Variants in C17orf75 observed in about 807,000 individuals in gnomAD.
The protein encoded by C17orf75 is chromosome 17 open reading frame 75, also known as protein Njmu-R1.
C17orf75 carries 32 observed loss-of-function variants against 49.6 expected under a neutral mutation model. The observed-to-expected ratio is 0.65, with a 90% CI of 0.49 to 0.87. The LOEUF is 0.87. Among genes scored for constraint, C17orf75 ranks in the 40% least tolerant of loss-of-function variants. C17orf75 has a pLI of 0.00. For synonymous variants in C17orf75, 158 were observed against 159.5 expected (o/e 0.99, Z 0.07); for missense variants, 428 against 473.9 (o/e 0.90, Z 0.90).
intron 3 of C17orf75, among the ~76,000 whole-genome samples, chr17:32,339,595 AT>A (rs1204352351): frequency 6.6e-6 from 1 of 152,100 alleles, no homozygotes; most frequent in Non-Finnish European, 1.5e-5. Context: ...TCAAAAAAAA[AT>A]AAACTAATTA....
upstream of C17orf75, among the ~76,000 whole-genome samples, chr17:32,346,248 T>C (rs2041424425): frequency 6.6e-6 from 1 of 151,928 alleles, no homozygotes; most frequent in African/African-American, 2.4e-5. Context: ...AGCGAGACCT[T>C]ACCTCTACAA....
intron 6 of C17orf75, 67 bp from the exon 7 acceptor site, chr17:32,334,906 C>G: frequency 1.5e-6 from 2 of 1,292,986 alleles, no homozygotes; most frequent in Non-Finnish European, 2.1e-6. Context: ...CTACTCATGA[C>G]TAAATGTCCC....
At chr17:32,339,448 A>T (rs73272805) in intron 3 of C17orf75, among the ~76,000 whole-genome samples, 3,204 of 151,332 alleles carry the variant, frequency 0.021, 102 homozygotes, top group African/African-American at 0.072. Context: ...ATTGCTGGGC[A>T]TCGTAGTGCC....
Position 32,335,372 on chromosome 17 carries a change from T to C in C17orf75, c.620A>G (p.Gln207Arg), listed in dbSNP as rs993949276. Residue 207 changes from glutamine (Q) to arginine (R), a missense_variant, in exon 6 of 10, where the codon CAA (glutamine) becomes CGA (arginine). Coordinates refer to ENST00000577809, the MANE Select transcript of C17orf75 (RefSeq NM_022344.4). ...SWFEDVVCPIQRVVLLFQEKL... is the reference protein window; with the variant it reads ...SWFEDVVCPIRRVVLLFQEKL... ...TTCCTGAAAGAGAAGAACAACCCTTTGGATTGGGCATACAACATCCTCAAA... is the reference window on the plus strand; with the variant it reads ...TTCCTGAAAGAGAAGAACAACCCTTCGGATTGGGCATACAACATCCTCAAA... 5.0e-6 allele frequency: 8 copies of C among 1,613,984 alleles called. No homozygotes were observed. The highest frequency in any genetic ancestry group is 6.8e-6 in the Non-Finnish European group (8 of 1,179,856).
At chr17:32,340,974 T>G in intron 2 of C17orf75, 1 of 537,746 alleles carries the variant, frequency 1.9e-6, no homozygotes, top group Non-Finnish European at 3.3e-6. Context: ...AAAAAAAGGA[T>G]TTCTTTTTGG....
At chr17:32,333,616 CTGGAG>C in intron 8 of C17orf75, 96 bp from the exon 9 acceptor site, 5 of 1,101,082 alleles carry the variant, frequency 4.5e-6, no homozygotes, top group Non-Finnish European at 4.0e-6. Flanking sequence ...TGTTGCCCGG[CTGGAG>C]TGCAGCCGGA....
chr17:32,338,996 C>A (rs1389433128), intron 3 of C17orf75, among the ~76,000 whole-genome samples: 1 of 151,990 alleles, frequency 6.6e-6, no homozygotes, highest in African/African-American at 2.4e-5. Context: ...GAGGCTGAGG[C>A]AGGAGAATTG....
rs1265552681 is a variant in C17orf75, at chr17:32,331,570, AT to A, written c.*192del. ...CTAAAATTTCACAACTCTCACATAC[AT>A]TATCTATCTAGGACTCAGTGAAGAT... is the stretch of plus-strand genomic sequence containing the variant. On this transcript the variant is annotated 3_prime_UTR_variant, in exon 10 of 10. Coordinates refer to ENST00000577809, the MANE Select transcript of C17orf75 (RefSeq NM_022344.4). 1.9e-6 allele frequency: 1 copy of A among 535,342 alleles called. No individual in the cohort carries two copies. Among genetic ancestry groups the A allele is most frequent in the African/African-American group, 1.9e-5 (1 of 52,858 alleles). 33.2% of individuals were successfully genotyped at this position (535,342 alleles called of 1,614,324 possible).
At chr17:32,334,907 TA>T in intron 6 of C17orf75, 68 bp from the exon 7 acceptor site, 1 of 1,289,260 alleles carries the variant, frequency 7.8e-7, no homozygotes, top group Non-Finnish European at 1.1e-6. Flanking sequence ...TACTCATGAC[TA>T]AATGTCCCCA....
At chr17:32,342,482 G>C (rs2041391253), upstream of C17orf75, among the ~76,000 whole-genome samples, 1 of 152,276 alleles carries the variant, frequency 6.6e-6, no homozygotes, top group South Asian at 2.1e-4. Context: ...GCGCGTGCCA[G>C]CACGCACAGA....
Position 32,331,764 on chromosome 17 carries a change from C to G in C17orf75, c.1190G>C (p.Ter397SerextTer6), listed in dbSNP as rs987130045. 5 of 1,609,472 alleles carry G rather than the reference C, an allele frequency of 3.1e-6. No homozygotes were observed. The highest frequency in any genetic ancestry group is 4.3e-6 in the Non-Finnish European group (5 of 1,176,094). The change falls in exon 10 of 10, where the codon TGA becomes TCA. Residue 397 changes from the stop codon to serine, a stop_lost. Coordinates refer to ENST00000577809, the MANE Select transcript of C17orf75 (RefSeq NM_022344.4). ...FMKEALDQSF[*>S] is the part of the protein sequence containing the mutation. ...ATACAATTATCTCAAAACATATGATCAAAAACTTTGGTCAAGAGCTTCTTT... is the reference window on the plus strand; with the variant it reads ...ATACAATTATCTCAAAACATATGATGAAAAACTTTGGTCAAGAGCTTCTTT...
intron 2 of C17orf75, among the ~76,000 whole-genome samples, chr17:32,340,387 T>C (rs1188748307): frequency 6.6e-6 from 1 of 151,928 alleles, no homozygotes; most frequent in Non-Finnish European, 1.5e-5. Context: ...ACGCCTGTAA[T>C]CTCAGCACTT....
chr17:32,333,354 TG>T, intron 9 of C17orf75, 62 bp downstream of exon 9: 1 of 1,143,106 alleles, frequency 8.7e-7, no homozygotes, highest in Non-Finnish European at 1.3e-6. Flanking sequence ...ACTCTGTCAC[TG>T]GTACTAATTA....
chr17:32,344,098 C>A (rs80185062), upstream of C17orf75: 3 of 561,896 alleles, frequency 5.3e-6, no homozygotes. Flanking sequence ...GAAAAAAGAG[C>A]CCATTTAACC....
rs2041271759 is a variant in C17orf75, at chr17:32,331,400, GTAT to G, written c.*360_*362del. On this transcript the variant is annotated 3_prime_UTR_variant, in exon 10 of 10. Transcript: ENST00000577809. ...GAAGCTACAGTCCACTGAAAAGGAAGTATTATGGTTTTTCTGAGAAGAAAAGTT... is the reference window on the plus strand; with the variant it reads ...GAAGCTACAGTCCACTGAAAAGGAAGTATGGTTTTTCTGAGAAGAAAAGTT... 4.6e-6 allele frequency: 1 copy of G among 216,560 alleles called. No individual in the cohort carries two copies. Among genetic ancestry groups the G allele is most frequent in the African/African-American group, 2.3e-5 (1 of 43,082 alleles). 13.4% of individuals were successfully genotyped at this position (216,560 alleles called of 1,614,324 possible). A position where few individuals can be genotyped will look rare whatever the true frequency, so the allele number is the denominator to read the frequency against.
At chr17:32,349,196 T>A (rs2041458304) in intron 1 of C17orf75, among the ~76,000 whole-genome samples, 1 of 151,964 alleles carries the variant, frequency 6.6e-6, no homozygotes, top group African/African-American at 2.4e-5. Context: ...CACGATTAGT[T>A]TTTCACGTGC....
chr17:32,338,098 A>G, intron 4 of C17orf75, 110 bp downstream of exon 4: 1 of 1,531,690 alleles, frequency 6.5e-7, no homozygotes, highest in Non-Finnish European at 8.9e-7. Context: ...ATGAAATTCA[A>G]CTAAATACAC....
chr17:32,341,812 G>A (rs1016573585), intron 1 of C17orf75, 188 bp downstream of exon 1: 2 of 1,062,646 alleles, frequency 1.9e-6, no homozygotes, highest in Admixed American at 5.4e-5. Flanking sequence ...AGTCCACGAC[G>A]GGGGCCAGGA....
At chr17:32,341,956 C>T in intron 1 of C17orf75, 44 bp downstream of exon 1, 1 of 1,328,380 alleles carries the variant, frequency 7.5e-7, no homozygotes, top group Non-Finnish European at 9.7e-7. Context: ...GGGGGCGGGG[C>T]CGCAGGGGCG....
Sources: allele counts gnomAD v4.1 joint callset (sites outside exome capture counted in the v4.1 genomes callset), GRCh38; gene constraint gnomAD v4.1.1; transcripts MANE v1.5; gene names NCBI Gene and HGNC (gene_info 2026-07-23, HGNC 2026-07-21).